The following TAF2 variants were observed in gnomAD, a reference collection of about 807,000 sequenced individuals.
TAF2 encodes the protein TATA-box binding protein associated factor 2, also known as transcription initiation factor TFIID subunit 2.
Under a neutral mutation model 138.5 loss-of-function variants are expected in TAF2, and 61 were observed. That is an observed-to-expected ratio of 0.44 (90% CI 0.36 to 0.54). The LOEUF is 0.54. Among genes scored for constraint, TAF2 ranks in the 20% least tolerant of loss-of-function variants. TAF2 has a pLI of 0.00. For missense variants in TAF2, 1,090 were observed against 1,427.9 expected, an observed-to-expected ratio of 0.76 and a Z score of 3.81; for synonymous variants, 475 against 469.9, an observed-to-expected ratio of 1.01 and a Z score of -0.14.
intron 22 of TAF2, among the ~76,000 whole-genome samples, chr8:119,754,486 C>A (rs1416791648): frequency 1.3e-5 from 2 of 152,114 alleles, no homozygotes; most frequent in Non-Finnish European, 2.9e-5. Context: ...AGTTCAAGAC[C>A]AGCCTGGCCA....
At chr8:119,822,862 G>C (rs1223421430) in intron 2 of TAF2, among the ~76,000 whole-genome samples, 6 of 152,074 alleles carry the variant, frequency 3.9e-5, no homozygotes, top group South Asian at 2.1e-4. Flanking sequence ...AATAACAAAA[G>C]CATTTATTAA....
rs899405101 is a variant in TAF2 at position 119,787,816 on chromosome 8, T to C, written c.1793+522A>G. ...ATGTTTATTGCAGCACTGTTCACAA[T>C]AGCCAAGACTTGGAACCAACCCAAA... On this transcript the variant is annotated intron_variant, in intron 14 of 25. Coordinates refer to ENST00000378164, the MANE Select transcript of TAF2 (RefSeq NM_003184.4). 3.3e-5 allele frequency among the ~76,000 whole-genome samples: 5 copies of C among 152,204 alleles called. No homozygotes were observed. The South Asian group carries it at 1.0e-3, about 31-fold the overall frequency.
At chr8:119,782,294 T>C in intron 16 of TAF2, among the ~76,000 whole-genome samples, 1 of 152,216 alleles carries the variant, frequency 6.6e-6, no homozygotes, top group Non-Finnish European at 1.5e-5. Context: ...TTGATATTTT[T>C]AGGGTATATA....
intron 22 of TAF2, among the ~76,000 whole-genome samples, chr8:119,752,269 G>C (rs1820403240): frequency 6.6e-6 from 1 of 152,124 alleles, no homozygotes; most frequent in Non-Finnish European, 1.5e-5. Flanking sequence ...TAAGATATCT[G>C]ATACGTGTAT....
intron 2 of TAF2, among the ~76,000 whole-genome samples, chr8:119,826,509 A>T (rs931383147): frequency 6.6e-6 from 1 of 152,072 alleles, no homozygotes; most frequent in Non-Finnish European, 1.5e-5. Context: ...TACCCTTGCT[A>T]TGGTCACTTA....
At chr8:119,743,299 GA>G (rs1819729503) in intron 24 of TAF2, among the ~76,000 whole-genome samples, 2 of 149,998 alleles carry the variant, frequency 1.3e-5, no homozygotes, top group Non-Finnish European at 3.0e-5. Context: ...ATTCAAAAAA[GA>G]AGTGCAACTA....
At position 119,824,601 on chromosome 8, in the gene TAF2, C is replaced by T. The variant is rs181156831; in HGVS notation, c.139-5095G>A. 2.7e-3 allele frequency among the ~76,000 whole-genome samples: 415 copies of T among 152,284 alleles called. 2 individuals are homozygous for T. Among genetic ancestry groups the T allele is most frequent in the African/African-American group, 9.5e-3 (396 of 41,564 alleles). ...CACACAGCCCCTCCCATCACAGGCC[C>T]GGAGGCCTAGGAGGAAAAAGTGGTT... On this transcript the variant is annotated intron_variant, in intron 2 of 25. Coordinates refer to ENST00000378164, the MANE Select transcript of TAF2 (RefSeq NM_003184.4).
At chr8:119,782,435 T>C (rs965010045) in intron 16 of TAF2, among the ~76,000 whole-genome samples, 1 of 152,222 alleles carries the variant, frequency 6.6e-6, no homozygotes, top group Non-Finnish European at 1.5e-5. Context: ...CTTCTGCAGA[T>C]GGTTTTATCA....
intron 2 of TAF2, among the ~76,000 whole-genome samples, chr8:119,830,833 CA>C (rs754835518): frequency 4.6e-5 from 7 of 152,196 alleles, no homozygotes; most frequent in Non-Finnish European, 7.3e-5. Flanking sequence ...CAGCCAGGTG[CA>C]GTGGTTCATG....
intron 20 of TAF2, among the ~76,000 whole-genome samples, chr8:119,758,861 A>C (rs768543302): frequency 5.9e-5 from 9 of 152,178 alleles, no homozygotes; most frequent in Non-Finnish European, 1.3e-4. Context: ...CATGGACAAA[A>C]GCGAAGTGTC....
chr8:119,793,651 C>T (rs1202984115), intron 9 of TAF2, among the ~76,000 whole-genome samples, 200 bp from the exon 10 acceptor site: 2 of 152,110 alleles, frequency 1.3e-5, no homozygotes, highest in Non-Finnish European at 2.9e-5. Flanking sequence ...TGACAAAAGC[C>T]AAAGACTTCT....
At position 119,797,728 on chromosome 8, in the gene TAF2, A is replaced by G; in HGVS notation, c.911T>C (p.Phe304Ser). 3.1e-6 allele frequency: 5 copies of G among 1,613,690 alleles called. No homozygotes were observed. Among genetic ancestry groups the G allele is most frequent in the South Asian group, 1.1e-5 (1 of 91,058 alleles). Residue 304 changes from phenylalanine (F) to serine (S), a missense_variant, in exon 7 of 26, where the codon TTT becomes TCT. Phe to Ser is a radical substitution (Grantham distance 155). This residue lies in a region of TAF2 where 504 missense variants were observed against 680.9 expected (regional missense o/e 0.74). Transcript: ENST00000378164. ...AGCCTCATCAATGAAGACAGTCTTA[A>G]AACAGGAGTATGGGTAACGACATGT... The part of the protein sequence containing the change: ...ILTCRYPYSC[F>S]KTVFIDEAYV...
At chr8:119,799,093 A>AG (rs1824043536) in intron 6 of TAF2, among the ~76,000 whole-genome samples, 1 of 152,200 alleles carries the variant, frequency 6.6e-6, no homozygotes, top group African/African-American at 2.4e-5. Flanking sequence ...AGCTCAGAGT[A>AG]GAAAAAAAAT....
chr8:119,792,726 G>A (rs980019321), intron 10 of TAF2, among the ~76,000 whole-genome samples: 6 of 152,026 alleles, frequency 3.9e-5, no homozygotes, highest in Non-Finnish European at 5.9e-5. Flanking sequence ...TGGGATTAGC[G>A]CCCTCATAGA....
chr8:119,819,927 C>G (rs1207978821), intron 2 of TAF2, among the ~76,000 whole-genome samples: 2 of 152,124 alleles, frequency 1.3e-5, no homozygotes, highest in South Asian at 2.1e-4. Context: ...ACCACTGAAG[C>G]TAACAAGTAT....
intron 9 of TAF2, among the ~76,000 whole-genome samples, chr8:119,794,079 C>T (rs892704885): frequency 5.9e-5 from 9 of 151,874 alleles, no homozygotes; most frequent in South Asian, 2.1e-4. Flanking sequence ...CACATGCCAC[C>T]GTGCCTGGTT....
chr8:119,822,461 T>C (rs1825856754), intron 2 of TAF2, among the ~76,000 whole-genome samples: 1 of 152,124 alleles, frequency 6.6e-6, no homozygotes, highest in Non-Finnish European at 1.5e-5. Context: ...TGGCCTCAAG[T>C]GACCCTCCTA....
At position 119,772,919 on chromosome 8, in the gene TAF2, A is replaced by AGAGCG. The variant is rs1821952229; in HGVS notation, c.2364+5099_2364+5100insCGCTC. Among the ~76,000 whole-genome samples the AGAGCG allele has an allele frequency of 7.4e-5, 11 of 149,390 alleles. 1 individual carries two copies. The highest frequency in any genetic ancestry group is 7.3e-4 in the Admixed American group (10 of 13,700). On this transcript the variant is annotated intron_variant, in intron 18 of 25. Transcript: ENST00000378164. Reference sequence around the variant, plus strand: ...GCCACTGCACTCCAGTCTGGTTAACAAGAGACAGACTCCATCTCAAATAAT... The same window carrying AGAGCG: ...GCCACTGCACTCCAGTCTGGTTAACAGAGCGAGAGACAGACTCCATCTCAAATAAT...
At chr8:119,803,794 G>T in intron 5 of TAF2, 84 bp downstream of exon 5, 5 of 1,313,148 alleles carry the variant, frequency 3.8e-6, no homozygotes, top group Non-Finnish European at 5.3e-6. Context: ...AGTATTTCTT[G>T]TTTTACACCA....
Sources: gnomAD v4.1 joint callset for allele counts (sites outside exome capture counted in the v4.1 genomes callset) on GRCh38, gnomAD v4.1.1 for gene constraint, gnomAD v4.1.1 regional missense constraint, MANE v1.5 for transcripts, NCBI Gene and HGNC (gene_info 2026-07-23, HGNC 2026-07-21) for gene names.